Variants in ERC1 observed in about 807,000 individuals in gnomAD.
ERC1 encodes RAB6 interacting protein 2.
ERC1 carries 56 observed loss-of-function variants against 132.0 expected under a neutral mutation model. That is an observed-to-expected ratio of 0.42 (90% confidence interval 0.34 to 0.53). ERC1 has a LOEUF of 0.53. Among genes scored for constraint, ERC1 ranks in the 20% least tolerant of loss-of-function variants. The probability of loss-of-function intolerance (pLI) is 0.03; values close to 1 mark genes in which losing one functional copy is unlikely to be tolerated. For synonymous variants in ERC1, 478 were observed against 476.1 expected (o/e 1.00, Z -0.05); for missense variants, 1,202 against 1,349.9 (o/e 0.89, Z 1.72).
chr12:1,078,981 C>G (rs1307839785), intron 2 of ERC1, among the ~76,000 whole-genome samples: 7 of 149,842 alleles, frequency 4.7e-5, no homozygotes, highest in African/African-American at 1.7e-4. Context: ...TACAAAGATA[C>G]AGATAGAAAT....
chr12:1,161,246 G>C (rs1195652369), intron 8 of ERC1, among the ~76,000 whole-genome samples: 1 of 152,108 alleles, frequency 6.6e-6, no homozygotes, highest in African/African-American at 2.4e-5. Flanking sequence ...AGGAATTTTA[G>C]ATTTAGCCCT....
chr12:1,430,264 T>G (rs1454812772), intron 17 of ERC1: 1 of 152,138 alleles, frequency 6.6e-6, no homozygotes, highest in Non-Finnish European at 1.5e-5. Flanking sequence ...TTACACAACA[T>G]CCCTTCGGCC....
intron 3 of ERC1, among the ~76,000 whole-genome samples, chr12:1,095,713 A>G (rs556328373): frequency 5.9e-5 from 9 of 152,214 alleles, no homozygotes; most frequent in Admixed American, 1.3e-4. Flanking sequence ...TTCTCTCTCT[A>G]TTGACAATGC....
chr12:1,230,259 A>G (rs996768807), intron 12 of ERC1, among the ~76,000 whole-genome samples: 13 of 152,022 alleles, frequency 8.6e-5, no homozygotes, highest in African/African-American at 3.1e-4. Flanking sequence ...TCAGTCTCCC[A>G]AAGTGCTGGG....
chr12:1,308,154 CCAAA>C lies in ERC1; in HGVS notation c.2780+18145_2780+18148del, dbSNP rs148862920. On this transcript the variant is annotated intron_variant, in intron 15 of 18. Coordinates refer to ENST00000360905, the MANE Select transcript of ERC1 (RefSeq NM_178040.4). ...AGGCGAGAGGAGAATCAGTGGGCTG[CCAAA>C]CAGTCATGTGTTCATAGGTGAGGTT... Among the ~76,000 whole-genome samples, 53 of 152,082 alleles carry C rather than the reference CCAAA, an allele frequency of 3.5e-4. 1 individual carries two copies. Among genetic ancestry groups the C allele is most frequent in the African/African-American group, 1.3e-3 (53 of 41,408 alleles).
At chr12:1,167,077 T>A (rs1952500995) in intron 8 of ERC1, among the ~76,000 whole-genome samples, 1 of 152,218 alleles carries the variant, frequency 6.6e-6, no homozygotes. Context: ...AAGTTCTAGT[T>A]GAGTGTTTTG....
intron 18 of ERC1, 190 bp downstream of exon 18, chr12:1,444,940 C>A (rs1274494438): frequency 2.5e-6 from 1 of 407,866 alleles, no homozygotes; most frequent in Non-Finnish European, 4.2e-6. Flanking sequence ...TGTTTAGATT[C>A]AAGATTTGGG....
At chr12:1,036,535 C>T (rs554513974) in intron 2 of ERC1, among the ~76,000 whole-genome samples, 18 of 151,980 alleles carry the variant, frequency 1.2e-4, no homozygotes, top group South Asian at 1.0e-3. Context: ...CCACCACGCC[C>T]GGCTAATTTT....
chr12:1,484,112 T>C (rs1592335972), intron 18 of ERC1, among the ~76,000 whole-genome samples: 2 of 151,372 alleles, frequency 1.3e-5, no homozygotes, highest in East Asian at 2.0e-4. Context: ...AAGACCTTCC[T>C]GGCTAACATG....
intron 15 of ERC1, among the ~76,000 whole-genome samples, chr12:1,345,854 T>C (rs2084401398): frequency 6.6e-6 from 1 of 152,248 alleles, no homozygotes; most frequent in Admixed American, 6.5e-5. Flanking sequence ...GAAAGACTGA[T>C]GCTGAATTCT....
chr12:1,198,396 A>AG, intron 12 of ERC1, among the ~76,000 whole-genome samples: 1 of 152,328 alleles, frequency 6.6e-6, no homozygotes, highest in East Asian at 1.9e-4. Flanking sequence ...CAGAATACAG[A>AG]GGGAAAACCA....
At chr12:1,083,143 T>A (rs1173261235) in intron 2 of ERC1, 21 bp from the exon 3 acceptor site, 1 of 1,579,176 alleles carries the variant, frequency 6.3e-7, no homozygotes, top group Non-Finnish European at 8.6e-7. Flanking sequence ...TTTGGGGGTT[T>A]TCTTTTTGTC....
chr12:1,114,085 G>A (rs1047856693), intron 6 of ERC1, among the ~76,000 whole-genome samples: 6 of 151,856 alleles, frequency 4.0e-5, no homozygotes, highest in South Asian at 2.1e-4. Flanking sequence ...GTGCAGTGGC[G>A]AGATCTCGGC....
At chr12:990,171 G>T (rs1959168285), upstream of ERC1, 1 of 152,120 alleles carries the variant, frequency 6.6e-6, no homozygotes, top group African/African-American at 2.4e-5. Context: ...GGTTAATTAC[G>T]GTGGCGGAGG....
intron 12 of ERC1, among the ~76,000 whole-genome samples, chr12:1,235,753 A>G (rs2075370942): frequency 6.6e-6 from 1 of 152,202 alleles, no homozygotes. Context: ...AAATTAATAT[A>G]GCTTCTTGGA....
At chr12:1,133,619 T>G (rs1948981230) in intron 7 of ERC1, among the ~76,000 whole-genome samples, 1 of 152,248 alleles carries the variant, frequency 6.6e-6, no homozygotes, top group Non-Finnish European at 1.5e-5. Context: ...CAGTCTGTTC[T>G]GACACTTCCC....
intron 16 of ERC1, among the ~76,000 whole-genome samples, chr12:1,385,232 T>C (rs1338199214): frequency 6.6e-6 from 1 of 152,254 alleles, no homozygotes; most frequent in Non-Finnish European, 1.5e-5. Context: ...AAGATTCTTA[T>C]AAATCAAGTT....
intron 12 of ERC1, among the ~76,000 whole-genome samples, chr12:1,201,851 A>G (rs183620098): frequency 6.6e-6 from 1 of 152,328 alleles, no homozygotes; most frequent in Non-Finnish European, 1.5e-5. Context: ...ATTTATGGAT[A>G]TGCATCTTCA....
At chr12:1,457,037 T>G (rs2093552810) in intron 18 of ERC1, among the ~76,000 whole-genome samples, 1 of 152,198 alleles carries the variant, frequency 6.6e-6, no homozygotes, top group African/African-American at 2.4e-5. Flanking sequence ...AAGACCATAT[T>G]TTTACTGTAC....
Sources: gnomAD v4.1 joint callset for allele counts (sites outside exome capture counted in the v4.1 genomes callset) on GRCh38, gnomAD v4.1.1 for gene constraint, MANE v1.5 for transcripts, NCBI Gene and HGNC (gene_info 2026-07-23, HGNC 2026-07-21) for gene names.